Variants in NDRG3 observed in about 807,000 individuals in gnomAD.
NDRG3 encodes the protein NDRG family member 3.
In NDRG3, 23 loss-of-function variants were observed where a neutral mutation model predicts 57.2. The observed-to-expected ratio is 0.40, with a 90% CI of 0.29 to 0.57. The LOEUF (loss-of-function observed/expected upper bound fraction) is 0.57. Ranked by LOEUF, NDRG3 falls within the 20% of genes least tolerant of loss-of-function variation. The pLI is 0.42. For synonymous variants in NDRG3, 132 were observed against 162.6 expected (o/e 0.81, Z 1.43); for missense variants, 384 against 457.3 (o/e 0.84, Z 1.46).
chr20:36,736,647 T>C (rs1248768412), intron 1 of NDRG3, among the ~76,000 whole-genome samples: 2 of 152,188 alleles, frequency 1.3e-5, no homozygotes, highest in East Asian at 3.8e-4. Context: ...TTGGTTCTAC[T>C]GCTGTCTCCT....
chr20:36,737,063 G>C (rs546634145), intron 1 of NDRG3, among the ~76,000 whole-genome samples: 2 of 152,274 alleles, frequency 1.3e-5, no homozygotes, highest in Non-Finnish European at 2.9e-5. Flanking sequence ...TGGTAAATGA[G>C]AGGTTTGTAG....
chr20:36,746,014 C>A, intron 1 of NDRG3, 31 bp downstream of exon 1: 1 of 317,642 alleles, frequency 3.1e-6, no homozygotes, highest in East Asian at 4.6e-5. Context: ...GCCGCGCGCC[C>A]CCCGCGGGCC....
intron 3 of NDRG3, among the ~76,000 whole-genome samples, chr20:36,695,155 C>T (rs147865345): frequency 0.024 from 3,695 of 152,246 alleles, 60 homozygotes; most frequent in Middle Eastern, 0.045. Flanking sequence ...TTATCACTTC[C>T]CCAATCAATA....
intron 13 of NDRG3, among the ~76,000 whole-genome samples, chr20:36,659,632 G>A (rs1328786143): frequency 6.6e-6 from 1 of 151,960 alleles, no homozygotes; most frequent in African/African-American, 2.4e-5. Context: ...ATGGAGTCTT[G>A]CTCTGTCGCC....
At chr20:36,737,945 T>C (rs1227134909) in intron 1 of NDRG3, among the ~76,000 whole-genome samples, 1 of 151,340 alleles carries the variant, frequency 6.6e-6, no homozygotes, top group Non-Finnish European at 1.5e-5. Context: ...TCACCTGTTG[T>C]CTCAGCTACT....
In NDRG3 at chr20:36,687,453, T is replaced by C. The variant is rs1337278453; in HGVS notation, c.320+39A>G. The C allele has an allele frequency of 7.5e-6, 12 of 1,604,732 alleles. No individual in the cohort carries two copies. In the East Asian group the frequency reaches 1.6e-4, roughly 21 times the overall value. ...ACTGGAGCTCAGCCAGTTGCTCTACTGAGTGCACGTCTCCCAGATGATCTT... is the reference window on the plus strand; with the variant it reads ...ACTGGAGCTCAGCCAGTTGCTCTACCGAGTGCACGTCTCCCAGATGATCTT... On this transcript the variant is annotated intron_variant, in intron 5 of 15. Coordinates refer to ENST00000349004, the MANE Select transcript of NDRG3 (RefSeq NM_032013.4).
At chr20:36,713,611 A>C in intron 2 of NDRG3, among the ~76,000 whole-genome samples, 1 of 152,108 alleles carries the variant, frequency 6.6e-6, no homozygotes, top group Non-Finnish European at 1.5e-5. Context: ...GATAGATAAG[A>C]CCTTAGACCA....
At chr20:36,717,364 G>A (rs1016939413) in intron 2 of NDRG3, among the ~76,000 whole-genome samples, 1 of 152,202 alleles carries the variant, frequency 6.6e-6, no homozygotes, top group Admixed American at 6.5e-5. Flanking sequence ...CCTGAAGCCT[G>A]GAGGATGCAG....
intron 15 of NDRG3, among the ~76,000 whole-genome samples, chr20:36,656,011 G>A (rs1978621299): frequency 6.6e-6 from 1 of 151,730 alleles, no homozygotes; most frequent in Non-Finnish European, 1.5e-5. Flanking sequence ...GCACATGCCT[G>A]TAGTCCCAGC....
At chr20:36,681,945 G>A (rs1485757623) in intron 7 of NDRG3, among the ~76,000 whole-genome samples, 2 of 152,068 alleles carry the variant, frequency 1.3e-5, no homozygotes, top group African/African-American at 2.4e-5. Flanking sequence ...TGATCCACCC[G>A]TGTCGGCCTC....
chr20:36,725,158 G>A (rs1380975466), intron 1 of NDRG3, among the ~76,000 whole-genome samples: 2 of 152,014 alleles, frequency 1.3e-5, no homozygotes, highest in Admixed American at 1.3e-4. Context: ...TTAGACAGGT[G>A]TGGTGGTGCA....
At chr20:36,660,745 A>G (rs1979132322) in intron 12 of NDRG3, among the ~76,000 whole-genome samples, 1 of 151,974 alleles carries the variant, frequency 6.6e-6, no homozygotes, top group Admixed American at 6.6e-5. Flanking sequence ...TATTTTTAGT[A>G]GAGACGGGGT....
At chr20:36,688,019 G>A (rs937704444) in intron 4 of NDRG3, among the ~76,000 whole-genome samples, 2 of 152,188 alleles carry the variant, frequency 1.3e-5, no homozygotes, top group East Asian at 1.9e-4. Context: ...TTCACCACAC[G>A]GGAGTTTGTC....
chr20:36,718,673 C>A (rs1433684006), intron 2 of NDRG3, among the ~76,000 whole-genome samples: 1 of 151,872 alleles, frequency 6.6e-6, no homozygotes, highest in Non-Finnish European at 1.5e-5. Flanking sequence ...AGAAAGAGAG[C>A]CTCTTTCTCT....
At chr20:36,675,324 T>C (rs976697778) in intron 8 of NDRG3, among the ~76,000 whole-genome samples, 9 of 141,866 alleles carry the variant, frequency 6.3e-5, no homozygotes, top group Non-Finnish European at 4.5e-5. Context: ...CCTCCCAAAG[T>C]GCGGAGATTA....
intron 1 of NDRG3, among the ~76,000 whole-genome samples, chr20:36,732,659 G>C (rs979181765): frequency 1.1e-4 from 16 of 152,120 alleles, no homozygotes; most frequent in Non-Finnish European, 1.9e-4. Context: ...CCACCAGCAT[G>C]AGCCTTACTA....
chr20:36,687,940 C>T (rs1437166999), intron 4 of NDRG3, among the ~76,000 whole-genome samples: 1 of 152,234 alleles, frequency 6.6e-6, no homozygotes, highest in Non-Finnish European at 1.5e-5. Context: ...CATTATTCCT[C>T]TATCTCACAA....
intron 3 of NDRG3, among the ~76,000 whole-genome samples, chr20:36,703,462 ATG>A (rs1249189567): frequency 1.4e-5 from 2 of 140,710 alleles, no homozygotes; most frequent in Non-Finnish European, 3.0e-5. Flanking sequence ...ATCTATCTAT[ATG>A]TGTGTGTGTG....
At chr20:36,736,774 C>A (rs564008149) in intron 1 of NDRG3, among the ~76,000 whole-genome samples, 1 of 152,104 alleles carries the variant, frequency 6.6e-6, no homozygotes, top group Non-Finnish European at 1.5e-5. Context: ...TTTTTCACTG[C>A]ATAAAGGAAA....
Sources: gnomAD v4.1 joint callset for allele counts (sites outside exome capture counted in the v4.1 genomes callset) on GRCh38, gnomAD v4.1.1 for gene constraint, MANE v1.5 for transcripts, NCBI Gene and HGNC (gene_info 2026-07-23, HGNC 2026-07-21) for gene names.